Variants in CHN1 observed in about 807,000 individuals in gnomAD.
The protein encoded by CHN1 is chimerin 1.
A neutral mutation model predicts 59.5 loss-of-function variants in CHN1; 37 were observed. The ratio of observed to expected loss-of-function variants is 0.62; its 90% CI spans 0.48 to 0.82. The LOEUF (loss-of-function observed/expected upper bound fraction) is 0.82. Among genes scored for constraint, CHN1 ranks in the 40% least tolerant of loss-of-function variants. The pLI is 0.00. For synonymous variants in CHN1, 206 were observed against 200.4 expected, an observed-to-expected ratio of 1.03 and a Z score of -0.24; for missense variants, 469 against 571.0, an observed-to-expected ratio of 0.82 and a Z score of 1.82.
intron 7 of CHN1, among the ~76,000 whole-genome samples, chr2:174,825,301 C>G (rs765603425): frequency 6.6e-6 from 1 of 152,056 alleles, no homozygotes; most frequent in Non-Finnish European, 1.5e-5. Context: ...TCAGAATCAT[C>G]AAAAAGGCCC....
At chr2:174,934,970 T>C (rs537247967) in intron 3 of CHN1, among the ~76,000 whole-genome samples, 1 of 152,210 alleles carries the variant, frequency 6.6e-6, no homozygotes, top group Non-Finnish European at 1.5e-5. Flanking sequence ...CTCTAAAATA[T>C]CCATCCTCTT....
intron 7 of CHN1, among the ~76,000 whole-genome samples, chr2:174,843,423 G>A (rs1358367897): frequency 1.3e-5 from 2 of 151,988 alleles, no homozygotes; most frequent in African/African-American, 4.8e-5. Flanking sequence ...ATTTTTAGTA[G>A]AGACAGGGTT....
chr2:174,833,653 T>G (rs2105414865), intron 7 of CHN1, among the ~76,000 whole-genome samples: 1 of 152,342 alleles, frequency 6.6e-6, no homozygotes, highest in South Asian at 2.1e-4. Flanking sequence ...ACCTGTTTTC[T>G]ATGCATTCCA....
At chr2:174,967,395 T>A (rs1483616087) in intron 1 of CHN1, among the ~76,000 whole-genome samples, 1 of 152,190 alleles carries the variant, frequency 6.6e-6, no homozygotes. Context: ...AATATGTTTA[T>A]GAAGTCTTTA....
rs1438331174 is a variant in CHN1, at chr2:174,888,502, CA to C, written c.261-10375del. 3.9e-5 allele frequency among the ~76,000 whole-genome samples: 6 copies of C among 152,128 alleles called. No individual in the cohort carries two copies. The East Asian group carries it at 9.7e-4, about 24-fold the overall frequency. On this transcript the variant is annotated intron_variant, in intron 5 of 12. Coordinates refer to ENST00000409900, the MANE Select transcript of CHN1 (RefSeq NM_001822.7). Reference sequence around the variant, plus strand: ...GGCAATATGGGGTTTTGAGGGGAGACAAATCAAAACAAACATTCAGTGCATT... The same window carrying C: ...GGCAATATGGGGTTTTGAGGGGAGACAATCAAAACAAACATTCAGTGCATT...
At chr2:174,804,611 G>A (rs1330175758) in intron 11 of CHN1, among the ~76,000 whole-genome samples, 1 of 152,208 alleles carries the variant, frequency 6.6e-6, no homozygotes, top group Non-Finnish European at 1.5e-5. Flanking sequence ...ATAAGAATTT[G>A]TTGGATTCTG....
chr2:174,952,528 A>G (rs1339317256), intron 1 of CHN1, among the ~76,000 whole-genome samples: 3 of 152,194 alleles, frequency 2.0e-5, no homozygotes, highest in Non-Finnish European at 4.4e-5. Flanking sequence ...GGGCTTAATG[A>G]TTATTTCACT....
chr2:174,857,993 T>C (rs1381413801), intron 6 of CHN1, among the ~76,000 whole-genome samples: 1 of 152,190 alleles, frequency 6.6e-6, no homozygotes, highest in African/African-American at 2.4e-5. Flanking sequence ...TTAGGAGTGT[T>C]TTCAGATTTT....
At chr2:174,951,825 A>T (rs1175190381) in intron 2 of CHN1, among the ~76,000 whole-genome samples, 3 of 152,174 alleles carry the variant, frequency 2.0e-5, no homozygotes, top group Non-Finnish European at 4.4e-5. Context: ...TTCTTCACAT[A>T]AAGAATCAGG....
intron 3 of CHN1, among the ~76,000 whole-genome samples, chr2:174,926,202 ATTT>A (rs879345759): frequency 6.9e-6 from 1 of 144,000 alleles, no homozygotes; most frequent in Non-Finnish European, 1.5e-5. Flanking sequence ...AACTACTTTC[ATTT>A]TTTTTTTTTT....
intron 8 of CHN1, among the ~76,000 whole-genome samples, chr2:174,816,441 G>A (rs116661031): frequency 0.014 from 2,165 of 152,306 alleles, 45 homozygotes; most frequent in African/African-American, 0.049. Context: ...TGTTTACCTA[G>A]AGAATGGAAG....
intron 6 of CHN1, among the ~76,000 whole-genome samples, chr2:174,866,141 T>A (rs1477481083): frequency 6.6e-6 from 1 of 152,168 alleles, no homozygotes; most frequent in African/African-American, 2.4e-5. Context: ...TAAATGTGGA[T>A]CTTTATGTAA....
intron 1 of CHN1, among the ~76,000 whole-genome samples, chr2:174,953,374 T>C (rs556721176): frequency 6.6e-6 from 1 of 152,148 alleles, no homozygotes; most frequent in South Asian, 2.1e-4. Context: ...CATAAGAACA[T>C]AACATGGAAA....
intron 6 of CHN1, among the ~76,000 whole-genome samples, chr2:174,849,863 T>C (rs922729004): frequency 6.6e-6 from 1 of 152,180 alleles, no homozygotes; most frequent in Non-Finnish European, 1.5e-5. Context: ...TCATAAACAC[T>C]ACACTATATC....
chr2:174,947,711 T>C (rs1689889628), intron 2 of CHN1, among the ~76,000 whole-genome samples: 1 of 152,104 alleles, frequency 6.6e-6, no homozygotes. Context: ...CTCAAACTCC[T>C]GAGCTCAAGT....
At chr2:174,886,959 C>T (rs1301434336) in intron 5 of CHN1, among the ~76,000 whole-genome samples, 3 of 152,178 alleles carry the variant, frequency 2.0e-5, no homozygotes, top group Non-Finnish European at 4.4e-5. Context: ...TCCAATACCT[C>T]CAATGGCTTC....
intron 4 of CHN1, 58 bp from the exon 5 acceptor site, chr2:174,915,229 T>C: frequency 7.8e-7 from 1 of 1,280,738 alleles, no homozygotes; most frequent in Non-Finnish European, 1.1e-6. Context: ...TAAAACAAGA[T>C]AAAACAACGT....
chr2:174,814,969 T>C (rs966373223), intron 8 of CHN1, among the ~76,000 whole-genome samples: 2 of 152,178 alleles, frequency 1.3e-5, no homozygotes, highest in Non-Finnish European at 2.9e-5. Context: ...ATTTTTTTTT[T>C]CAAATATTTT....
At position 174,897,678 on chromosome 2, in the gene CHN1, C is replaced by T. The variant is rs148280795; in HGVS notation, c.260+17380G>A. ...TATGTACTTTTATTTTGAAAACAAG[C>T]AAACTCATAACTTGATAGAAAACAC... On this transcript the variant is annotated intron_variant, in intron 5 of 12. Transcript: ENST00000409900. Among the ~76,000 whole-genome samples the T allele has an allele frequency of 2.3e-3, 347 of 152,104 alleles. 1 individual carries two copies. The highest frequency in any genetic ancestry group is 8.1e-3 in the African/African-American group (334 of 41,490).
Sources: allele counts gnomAD v4.1 joint callset (sites outside exome capture counted in the v4.1 genomes callset), GRCh38; gene constraint gnomAD v4.1.1; transcripts MANE v1.5; gene names NCBI Gene and HGNC (gene_info 2026-07-23, HGNC 2026-07-21).